The following SLC22A23 variants were observed in gnomAD, a reference collection of about 807,000 sequenced individuals.
The protein encoded by SLC22A23 is solute carrier family 22 member 23, also known as ion transporter protein.
In SLC22A23, 26 loss-of-function variants were observed where a neutral mutation model predicts 61.0. The observed-to-expected ratio is 0.43, with a 90% CI of 0.31 to 0.59. The LOEUF (loss-of-function observed/expected upper bound fraction) is 0.59. Among genes scored for constraint, SLC22A23 ranks in the 20% least tolerant of loss-of-function variants. SLC22A23 has a pLI of 0.11. For missense variants in SLC22A23, 796 were observed against 934.7 expected, an observed-to-expected ratio of 0.85 and a Z score of 1.94; for synonymous variants, 430 against 413.9, an observed-to-expected ratio of 1.04 and a Z score of -0.47.
intron 3 of SLC22A23, among the ~76,000 whole-genome samples, chr6:3,369,560 G>A (rs141525177): frequency 9.8e-4 from 149 of 152,080 alleles, no homozygotes; most frequent in African/African-American, 3.3e-3. Flanking sequence ...GCGTGGTGGC[G>A]TGCACCTGTA....
At chr6:3,350,020 A>G (rs1439152058) in intron 3 of SLC22A23, among the ~76,000 whole-genome samples, 1 of 152,210 alleles carries the variant, frequency 6.6e-6, no homozygotes, top group Non-Finnish European at 1.5e-5. Flanking sequence ...TTTGAAGCAC[A>G]TAAAAGTCTG....
intron 3 of SLC22A23, among the ~76,000 whole-genome samples, chr6:3,396,891 T>C (rs1768043077): frequency 6.6e-6 from 1 of 150,532 alleles, no homozygotes; most frequent in African/African-American, 2.4e-5. Flanking sequence ...ATTCTTCTGG[T>C]ACACCAAGGC....
Position 3,329,462 on chromosome 6 carries a change from A to G in SLC22A23, c.914-5460T>C, listed in dbSNP as rs1021997331. 2.0e-5 allele frequency among the ~76,000 whole-genome samples: 3 copies of G among 152,214 alleles called. No homozygotes were observed. The highest frequency in any genetic ancestry group is 2.9e-5 in the Non-Finnish European group (2 of 68,048). On this transcript the variant is annotated intron_variant, in intron 3 of 9. Coordinates refer to ENST00000406686, the MANE Select transcript of SLC22A23 (RefSeq NM_015482.2). This position sits in a 1 kb window ranked among gnomAD's most constrained non-coding sequence, Gnocchi z 4.8. ...TGGAGTTGGCAAGTAACAAAGGAAT[A>G]TATTAAGTTGACTGACAATACTTAA...
At chr6:3,405,267 TA>T (rs1001198356) in intron 3 of SLC22A23, among the ~76,000 whole-genome samples, 59 of 138,874 alleles carry the variant, frequency 4.2e-4, no homozygotes, top group Admixed American at 4.2e-4. Context: ...TCAAAAAATT[TA>T]AAAAAAAAAA....
chr6:3,362,922 C>T (rs1046210368), intron 3 of SLC22A23, among the ~76,000 whole-genome samples: 13 of 152,172 alleles, frequency 8.5e-5, no homozygotes, highest in African/African-American at 2.7e-4. Context: ...TTTCCATGTG[C>T]GCGTGAATGA....
At chr6:3,295,170 G>A (rs1482647781) in intron 5 of SLC22A23, among the ~76,000 whole-genome samples, 3 of 152,254 alleles carry the variant, frequency 2.0e-5, no homozygotes, top group Non-Finnish European at 4.4e-5. Context: ...GCTCTGCAGG[G>A]GTGACAGGCA....
rs144064567 is a variant in SLC22A23, at chr6:3,352,332, G to GAC, written c.914-28332_914-28331dup. On this transcript the variant is annotated intron_variant, in intron 3 of 9. Coordinates refer to ENST00000406686, the MANE Select transcript of SLC22A23 (RefSeq NM_015482.2). ...AAGCATGCACACACAGACATGCACA[G>GAC]ACACACACACACACAGCCACAAACA... Among the ~76,000 whole-genome samples, 922 of 149,994 alleles carry GAC rather than the reference G, an allele frequency of 6.1e-3. 3 individuals are homozygous for GAC. Among genetic ancestry groups the GAC allele is most frequent in the Non-Finnish European group, 9.5e-3 (638 of 67,336 alleles).
At chr6:3,424,968 G>A (rs751658440) in intron 1 of SLC22A23, among the ~76,000 whole-genome samples, 18 of 152,194 alleles carry the variant, frequency 1.2e-4, no homozygotes, top group Non-Finnish European at 1.9e-4. Flanking sequence ...CAGAATGAGG[G>A]AGGGGCAGAG....
chr6:3,431,668 T>C (rs1770872829), intron 1 of SLC22A23, among the ~76,000 whole-genome samples: 2 of 152,170 alleles, frequency 1.3e-5, no homozygotes, highest in South Asian at 4.1e-4. Context: ...AAAGAGGTCA[T>C]TTGAGAGCAC....
intron 1 of SLC22A23, chr6:3,439,337 T>C: frequency 2.3e-6 from 1 of 441,050 alleles, no homozygotes; most frequent in South Asian, 1.6e-5. Context: ...AAACGATGGA[T>C]GCTGGGGTCC....
rs1193843252 is a variant in SLC22A23, at chr6:3,372,758, A to G, written c.913+37430T>C. Among the ~76,000 whole-genome samples the G allele has an allele frequency of 6.6e-6, 1 of 152,244 alleles. No homozygotes were observed. Among genetic ancestry groups the G allele is most frequent in the Non-Finnish European group, 1.5e-5 (1 of 68,034 alleles). ...GCAAGTCCTAGGACAATCTAGGCCA[A>G]CATTCTCTTCCAAATTCTGACTTGT... On this transcript the variant is annotated intron_variant, in intron 3 of 9. Coordinates refer to ENST00000406686, the MANE Select transcript of SLC22A23 (RefSeq NM_015482.2). The surrounding 1 kb of genome is among the most constrained non-coding windows in gnomAD (Gnocchi z 4.7).
At chr6:3,361,058 A>C (rs112237899) in intron 3 of SLC22A23, among the ~76,000 whole-genome samples, 6,569 of 61,364 alleles carry the variant, frequency 0.11, 168 homozygotes, top group Middle Eastern at 0.13. Flanking sequence ...ATTTCTACCC[A>C]CCCCCCCCAT....
At chr6:3,443,682 T>C (rs900766479) in intron 1 of SLC22A23, among the ~76,000 whole-genome samples, 1 of 152,184 alleles carries the variant, frequency 6.6e-6, no homozygotes, top group African/African-American at 2.4e-5. Context: ...GTCACACCGT[T>C]TGAAGGAGTC....
At chr6:3,388,951 G>A (rs1767480650) in intron 3 of SLC22A23, among the ~76,000 whole-genome samples, 1 of 152,030 alleles carries the variant, frequency 6.6e-6, no homozygotes, top group Non-Finnish European at 1.5e-5. Context: ...GCAGACCAGA[G>A]TTTCAGTTCT....
intron 3 of SLC22A23, among the ~76,000 whole-genome samples, chr6:3,377,394 A>C (rs1179747063): frequency 6.6e-6 from 1 of 152,176 alleles, no homozygotes; most frequent in Non-Finnish European, 1.5e-5. Context: ...CACTGGATGG[A>C]AAGCAGTGGG....
intron 3 of SLC22A23, among the ~76,000 whole-genome samples, chr6:3,408,119 T>C (rs886412182): frequency 2.6e-5 from 4 of 152,232 alleles, no homozygotes; most frequent in Non-Finnish European, 5.9e-5. Context: ...GTTGAGTAAC[T>C]GTGACAGACC....
intron 9 of SLC22A23, 133 bp from the exon 10 acceptor site, chr6:3,273,545 C>T: frequency 1.2e-6 from 1 of 865,276 alleles, no homozygotes. Flanking sequence ...ATACCCCGAC[C>T]TCACACGTCC....
intron 5 of SLC22A23, among the ~76,000 whole-genome samples, chr6:3,296,771 C>T (rs189457257): frequency 6.6e-6 from 1 of 152,128 alleles, no homozygotes; most frequent in Admixed American, 6.5e-5. Context: ...CGGCCCTGCA[C>T]AAGTTGAGGC....
chr6:3,295,067 G>C (rs1159401012), intron 5 of SLC22A23, among the ~76,000 whole-genome samples: 1 of 148,294 alleles, frequency 6.7e-6, no homozygotes, highest in East Asian at 2.3e-4. Context: ...TGGCACACCT[G>C]CTACGCGTCG....
Sources: gnomAD v4.1 joint callset for allele counts (sites outside exome capture counted in the v4.1 genomes callset) on GRCh38, gnomAD v4.1.1 for gene constraint, Gnocchi (gnomAD v3.1) non-coding constraint, MANE v1.5 for transcripts, NCBI Gene and HGNC (gene_info 2026-07-23, HGNC 2026-07-21) for gene names.